Variants in COA6 observed in about 807,000 individuals in gnomAD.
COA6 encodes cytochrome c oxidase assembly factor 6 homolog.
Under a neutral mutation model 17.1 loss-of-function variants are expected in COA6, and 12 were observed. The ratio of observed to expected loss-of-function variants is 0.70; its 90% CI spans 0.45 to 1.14. The LOEUF is 1.14. COA6 is among the 50% of genes most tolerant of loss of function. The pLI is 0.00. For synonymous variants in COA6, 90 were observed against 73.4 expected (o/e 1.23, Z -1.16); for missense variants, 246 against 196.5 (o/e 1.25, Z -1.51).
rs1305263667 is a variant in COA6 at position 234,384,032 on chromosome 1, C to G, written c.*214C>G. ...TCTATTTTAAGAAAAAAAGTAAAAC[C>G]TGTTATAAACACATGCACTTTTGTT... On this transcript the variant is annotated 3_prime_UTR_variant, in exon 3 of 3. Coordinates refer to ENST00000366615, the MANE Select transcript of COA6 (RefSeq NM_001206641.3). 3 of 406,858 alleles carry G rather than the reference C, an allele frequency of 7.4e-6. No individual in the cohort carries two copies. The highest frequency in any genetic ancestry group is 1.3e-5 in the Non-Finnish European group (3 of 223,098). 25.2% of individuals were successfully genotyped at this position (406,858 alleles called of 1,614,324 possible). A position where few individuals can be genotyped will look rare whatever the true frequency, so the allele number is the denominator to read the frequency against.
At chr1:234,375,133 C>CAAAAAAAAAAAAA (rs11341337) in intron 2 of COA6, among the ~76,000 whole-genome samples, 2 of 128,454 alleles carry the variant, frequency 1.6e-5, no homozygotes, top group African/African-American at 5.9e-5. Context: ...ACTAAAAATA[C>CAAAAAAAAAAAAA]AAAAAAAAAA....
chr1:234,376,270 G>A (rs901292386), intron 2 of COA6, among the ~76,000 whole-genome samples: 2 of 151,838 alleles, frequency 1.3e-5, no homozygotes, highest in East Asian at 3.9e-4. Context: ...CACTTCCGGG[G>A]CAGCTTCCAG....
At chr1:234,376,372 T>C (rs573262660) in intron 2 of COA6, among the ~76,000 whole-genome samples, 2 of 152,332 alleles carry the variant, frequency 1.3e-5, no homozygotes, top group South Asian at 4.1e-4. Flanking sequence ...TGCCATCCCC[T>C]GAGGCCCCAA....
rs1659054328 is a variant in COA6, at chr1:234,383,836, A to T, written c.*18A>T. The T allele has an allele frequency of 3.1e-6, 4 of 1,295,676 alleles. No homozygotes were observed. Among genetic ancestry groups the T allele is most frequent in the African/African-American group, 1.5e-5 (1 of 67,462 alleles). 80.3% of individuals were successfully genotyped at this position (1,295,676 alleles called of 1,614,324 possible). A position where few individuals can be genotyped will look rare whatever the true frequency, so the allele number is the denominator to read the frequency against. Reference sequence around the variant, plus strand: ...AATCCTAGGCTGTTCATAAAGATTGAAAGTATTCTTTCTGGACATTGAAAA... The same window carrying T: ...AATCCTAGGCTGTTCATAAAGATTGTAAGTATTCTTTCTGGACATTGAAAA... On this transcript the variant is annotated 3_prime_UTR_variant, in exon 3 of 3. Transcript: ENST00000366615.
intron 2 of COA6, among the ~76,000 whole-genome samples, chr1:234,377,927 G>A (rs781196469): frequency 4.6e-5 from 7 of 152,220 alleles, no homozygotes; most frequent in African/African-American, 9.6e-5. Context: ...AAACTCACCC[G>A]TAGAACCGCA....
chr1:234,383,593 C>T, intron 2 of COA6, 130 bp from the exon 3 acceptor site: 1 of 589,842 alleles, frequency 1.7e-6, no homozygotes, highest in Non-Finnish European at 3.1e-6. Context: ...CACACACACA[C>T]ACACAAAATG....
intron 2 of COA6, among the ~76,000 whole-genome samples, chr1:234,382,834 A>G (rs906298682): frequency 3.3e-5 from 5 of 151,974 alleles, no homozygotes; most frequent in Admixed American, 2.0e-4. Flanking sequence ...GCAAAACCCC[A>G]TCACTACTAA....
intron 2 of COA6, among the ~76,000 whole-genome samples, chr1:234,378,104 A>G (rs1309286825): frequency 6.6e-6 from 1 of 152,244 alleles, no homozygotes; most frequent in East Asian, 1.9e-4. Context: ...AGAAAAGTAC[A>G]TTCACGTGTT....
chr1:234,378,036 G>A (rs1394713961), intron 2 of COA6, among the ~76,000 whole-genome samples: 2 of 152,204 alleles, frequency 1.3e-5, no homozygotes, highest in African/African-American at 4.8e-5. Context: ...TGTTGTCTGG[G>A]GAAGGAGTAT....
rs150519772 is a variant in COA6 at position 234,373,505 on chromosome 1, C to T, written c.39C>T (p.Arg13=). The change falls in exon 1 of 3, where the codon CGC becomes CGT. Residue 13 remains arginine (R), a synonymous_variant. Coordinates refer to ENST00000366615, the MANE Select transcript of COA6 (RefSeq NM_001206641.3). ...ARKGQKSPRF[R]RVSCFLRLGR... is the part of the protein sequence containing the mutation. ...AGGGTCAAAAGAGTCCGCGGTTTCG[C>T]CGCGTGAGTTGCTTTTTGCGGCTGG... The T allele has an allele frequency of 2.7e-5, 43 of 1,602,270 alleles. No homozygotes were observed. In the Middle Eastern group the frequency reaches 6.6e-4, roughly 25 times the overall value.
rs780374258 is a variant in COA6 at position 234,373,711 on chromosome 1, C to T, written c.212+33C>T. ...TGCTGATGGGTCCGGGTGGGGCGCG[C>T]GTGGACTATGGGCCCGGGAGGTCCC... On this transcript the variant is annotated intron_variant, in intron 1 of 2. Transcript: ENST00000366615. 3 of 1,613,630 alleles carry T rather than the reference C, an allele frequency of 1.9e-6. No homozygotes were observed. The East Asian group carries it at 6.7e-5, about 36-fold the overall frequency.
chr1:234,376,160 G>A (rs1658784820), intron 2 of COA6, among the ~76,000 whole-genome samples: 1 of 152,084 alleles, frequency 6.6e-6, no homozygotes, highest in East Asian at 1.9e-4. Context: ...GCATTGAGAG[G>A]AACTCCAGGT....
intron 1 of COA6, 182 bp downstream of exon 1, chr1:234,373,860 A>G: frequency 1.2e-6 from 2 of 1,610,562 alleles, no homozygotes; most frequent in Non-Finnish European, 8.5e-7. Context: ...GTAACCCTGT[A>G]AACTAGGCAC....
At chr1:234,374,697 C>G (rs1658737788) in intron 2 of COA6, among the ~76,000 whole-genome samples, 1 of 152,152 alleles carries the variant, frequency 6.6e-6, no homozygotes. Flanking sequence ...AGTATTTAAT[C>G]TTGGGCAGGA....
Position 234,374,292 on chromosome 1 carries a change from G to A in COA6, c.275G>A (p.Arg92Gln), listed in dbSNP as rs780758773. ...MKERQVCWGA[R>Q]DEYWKCLDEN... ...GAAAGACAGGTCTGCTGGGGGGCCC[G>A]GGATGAGTACTGGAAGTGTTTAGAT... Residue 92 changes from arginine to glutamine, a missense_variant, in exon 2 of 3, where the codon CGG (arginine) becomes CAG (glutamine). Transcript: ENST00000366615. 2.1e-5 allele frequency: 34 copies of A among 1,613,882 alleles called. No homozygotes were observed. The highest frequency in any genetic ancestry group is 2.9e-5 in the Non-Finnish European group (34 of 1,179,992).
intron 1 of COA6, 21 bp downstream of exon 1, chr1:234,373,699 G>C (rs1221643712): frequency 6.2e-7 from 1 of 1,613,506 alleles, no homozygotes; most frequent in Non-Finnish European, 8.5e-7. Flanking sequence ...TGATGGGTCC[G>C]GGTGGGGCGC....
rs1659070224 is a variant in COA6 at position 234,384,403 on chromosome 1, A to G, written c.*585A>G. ...AGAAAACTAGCTCTACTCACATATA[A>G]TAAATACTATCTTATAGAATGTACC... is the stretch of plus-strand genomic sequence containing the variant. On this transcript the variant is annotated 3_prime_UTR_variant, in exon 3 of 3. Coordinates refer to ENST00000366615, the MANE Select transcript of COA6 (RefSeq NM_001206641.3). Among the ~76,000 whole-genome samples the G allele has an allele frequency of 6.6e-6, 1 of 152,184 alleles. No individual in the cohort carries two copies. The highest frequency in any genetic ancestry group is 1.5e-5 in the Non-Finnish European group (1 of 68,032).
chr1:234,383,729 T>C lies in COA6; in HGVS notation c.379T>C (p.Tyr127His). The change falls in exon 3 of 3, where the codon TAT (tyrosine) becomes CAT (histidine). Residue 127 changes from tyrosine to histidine, a missense_variant. Transcript: ENST00000366615. Reference protein sequence around the residue: ...ESSCPQQWIKYFDKRRDYLKF... With the variant: ...ESSCPQQWIKHFDKRRDYLKF... ...TCCTTTTTTTTTCCAACAGATAAAA[T>C]ATTTTGATAAAAGAAGAGACTACTT... 1 of 1,354,212 alleles carries C rather than the reference T, an allele frequency of 7.4e-7. No individual in the cohort carries two copies. Among genetic ancestry groups the C allele is most frequent in the Non-Finnish European group, 1.0e-6 (1 of 956,798 alleles). The allele number at this position is 1,354,212 out of a possible 1,614,324, so 83.9% of individuals were successfully genotyped here. A position where few individuals can be genotyped will look rare whatever the true frequency, so the allele number is the denominator to read the frequency against.
At chr1:234,374,504 AG>A (rs1658727616) in intron 2 of COA6, 115 bp downstream of exon 2, 5 of 1,069,780 alleles carry the variant, frequency 4.7e-6, no homozygotes, top group African/African-American at 3.2e-5. Context: ...AGTTTCTTTG[AG>A]GCGCAGAGAA....
Sources: allele counts gnomAD v4.1 joint callset (sites outside exome capture counted in the v4.1 genomes callset), GRCh38; gene constraint gnomAD v4.1.1; transcripts MANE v1.5; gene names NCBI Gene and HGNC (gene_info 2026-07-23, HGNC 2026-07-21).